The following BCAT1 variants were observed in gnomAD, a reference collection of about 807,000 sequenced individuals.
The protein encoded by BCAT1 is branched chain amino acid transaminase 1.
In BCAT1, 48 loss-of-function variants were observed where a neutral mutation model predicts 52.4. The observed-to-expected ratio is 0.92, with a 90% CI of 0.73 to 1.16. The LOEUF (loss-of-function observed/expected upper bound fraction) is 1.16. Ranked by LOEUF, BCAT1 falls within the 50% of genes most tolerant of loss-of-function variation. BCAT1 has a pLI of 0.00. For synonymous variants in BCAT1, 167 were observed against 161.3 expected, an observed-to-expected ratio of 1.04 and a Z score of -0.27; for missense variants, 451 against 457.1, an observed-to-expected ratio of 0.99 and a Z score of 0.12.
chr12:24,821,668 A>G (rs1940134574), intron 10 of BCAT1, among the ~76,000 whole-genome samples: 1 of 152,200 alleles, frequency 6.6e-6, no homozygotes, highest in Non-Finnish European at 1.5e-5. Context: ...ATTACTGCAT[A>G]CGCATTATAC....
chr12:24,840,616 C>A (rs942681365), intron 7 of BCAT1, among the ~76,000 whole-genome samples: 1 of 152,188 alleles, frequency 6.6e-6, no homozygotes, highest in Non-Finnish European at 1.5e-5. Flanking sequence ...GGCTTACTCA[C>A]CATATCTTCT....
chr12:24,866,098 G>C (rs1323547558), intron 5 of BCAT1, among the ~76,000 whole-genome samples: 1 of 152,234 alleles, frequency 6.6e-6, no homozygotes, highest in Non-Finnish European at 1.5e-5. Flanking sequence ...GCGGGAACCC[G>C]GGCTGCGCAT....
chr12:24,943,844 C>A (rs146571725), intron 1 of BCAT1, among the ~76,000 whole-genome samples: 1,668 of 151,992 alleles, frequency 0.011, 31 homozygotes, highest in African/African-American at 0.037. Flanking sequence ...ATTAGCCGGG[C>A]GTGGTGGCGG....
chr12:24,851,062 A>C (rs1266600615), intron 5 of BCAT1, among the ~76,000 whole-genome samples: 1 of 152,166 alleles, frequency 6.6e-6, no homozygotes, highest in Non-Finnish European at 1.5e-5. Context: ...TTCATTGTTT[A>C]TTAAGGAAGA....
intron 5 of BCAT1, among the ~76,000 whole-genome samples, chr12:24,876,373 A>T (rs184307143): frequency 6.6e-6 from 1 of 152,260 alleles, no homozygotes; most frequent in East Asian, 1.9e-4. Flanking sequence ...AGCAAGATAA[A>T]AAAATGGATT....
chr12:24,854,812 C>T (rs1386182863), intron 5 of BCAT1, among the ~76,000 whole-genome samples: 2 of 152,030 alleles, frequency 1.3e-5, no homozygotes, highest in Non-Finnish European at 2.9e-5. Context: ...TTCTTCTCCT[C>T]TTAATCCAGA....
At chr12:24,917,195 C>CTTTTTTT (rs60491814) in intron 1 of BCAT1, among the ~76,000 whole-genome samples, 16 of 103,550 alleles carry the variant, frequency 1.5e-4, no homozygotes, top group African/African-American at 3.2e-4. Context: ...GAGCTTTGGA[C>CTTTTTTT]TTTTTTTTTT....
At chr12:24,949,202 C>T, upstream of BCAT1, 1 of 521,260 alleles carries the variant, frequency 1.9e-6, no homozygotes, top group Non-Finnish European at 3.4e-6. Flanking sequence ...GGTGGAGTCT[C>T]TCCCAGCCCG....
chr12:24,915,580 C>T (rs1194020635), intron 1 of BCAT1, among the ~76,000 whole-genome samples: 5 of 151,886 alleles, frequency 3.3e-5, no homozygotes, highest in South Asian at 2.1e-4. Context: ...TTTGCTCTAC[C>T]GTGAAGCTAC....
intron 7 of BCAT1, among the ~76,000 whole-genome samples, chr12:24,839,533 C>G (rs1263747893): frequency 6.6e-6 from 1 of 152,216 alleles, no homozygotes; most frequent in East Asian, 1.9e-4. Context: ...AATTACTCAT[C>G]AACAGAGTGA....
At chr12:24,860,766 A>C (rs1011570188) in intron 5 of BCAT1, among the ~76,000 whole-genome samples, 8 of 152,204 alleles carry the variant, frequency 5.3e-5, no homozygotes, top group African/African-American at 1.9e-4. Flanking sequence ...TGGTAAGTAA[A>C]GAATGTCACT....
In BCAT1 at chr12:24,839,608, G is replaced by A. The variant is rs1007727217; in HGVS notation, c.817+2474C>T. Among the ~76,000 whole-genome samples the A allele has an allele frequency of 3.9e-5, 6 of 152,192 alleles. No homozygotes were observed. The East Asian group carries it at 9.6e-4, about 24-fold the overall frequency. On this transcript the variant is annotated intron_variant, in intron 7 of 10. Transcript: ENST00000261192. The stretch of plus-strand genomic sequence containing the variant: ...TCAAAACTCCCATGAGTTACAAGCT[G>A]AGTGCCACACATAGTGACTGTGCAC...
At chr12:24,926,053 C>A (rs1032523415) in intron 1 of BCAT1, among the ~76,000 whole-genome samples, 18 of 152,098 alleles carry the variant, frequency 1.2e-4, no homozygotes, top group African/African-American at 2.7e-4. Context: ...GGCTGCCCAT[C>A]GTCTGGGATG....
chr12:24,882,598 T>TC (rs1942534925), intron 3 of BCAT1, among the ~76,000 whole-genome samples: 1 of 96,214 alleles, frequency 1.0e-5, no homozygotes, highest in Non-Finnish European at 2.4e-5. Context: ...TTATTATTTA[T>TC]TTTTTTTTTT....
chr12:24,851,025 C>A (rs1452410213), intron 5 of BCAT1, among the ~76,000 whole-genome samples: 1 of 152,162 alleles, frequency 6.6e-6, no homozygotes, highest in Admixed American at 6.6e-5. Context: ...ATTCCTCCAT[C>A]ACAAGAGCAG....
At chr12:24,851,688 G>A (rs558466568) in intron 5 of BCAT1, among the ~76,000 whole-genome samples, 5 of 152,304 alleles carry the variant, frequency 3.3e-5, no homozygotes, top group Admixed American at 3.3e-4. Flanking sequence ...AGAGACTGAA[G>A]ATTAAAGGAG....
At chr12:24,884,450 G>GT (rs1452730124) in intron 3 of BCAT1, among the ~76,000 whole-genome samples, 48 of 152,104 alleles carry the variant, frequency 3.2e-4, no homozygotes, top group Non-Finnish European at 4.6e-4. Flanking sequence ...TAATAATAAT[G>GT]TATCATATAT....
intron 1 of BCAT1, chr12:24,903,117 G>A (rs1436788274): frequency 2.3e-6 from 3 of 1,328,580 alleles, no homozygotes; most frequent in South Asian, 4.0e-5. Context: ...CACGACCTGG[G>A]GCCGCGCGCC....
At chr12:24,887,111 A>ATATATATATATAT (rs1942702628) in intron 3 of BCAT1, among the ~76,000 whole-genome samples, 21 of 127,196 alleles carry the variant, frequency 1.7e-4, no homozygotes, top group Non-Finnish European at 2.3e-4. Context: ...ATATATATAT[A>ATATATATATATAT]AAGCTGATAA....
Sources: allele counts gnomAD v4.1 joint callset (sites outside exome capture counted in the v4.1 genomes callset), GRCh38; gene constraint gnomAD v4.1.1; transcripts MANE v1.5; gene names NCBI Gene and HGNC (gene_info 2026-07-23, HGNC 2026-07-21).